Variants in FSTL5 observed in about 807,000 individuals in gnomAD.
FSTL5 encodes the protein follistatin-related protein 5.
In FSTL5, 62 loss-of-function variants were observed where a neutral mutation model predicts 89.1. The ratio of observed to expected loss-of-function variants is 0.70; its 90% CI spans 0.57 to 0.86. The LOEUF (loss-of-function observed/expected upper bound fraction) is 0.86. Among genes scored for constraint, FSTL5 ranks in the 40% least tolerant of loss-of-function variants. The pLI, the probability that FSTL5 is intolerant of heterozygous loss-of-function variation, is 0.00. For missense variants in FSTL5, 1,057 were observed against 1,001.6 expected, an observed-to-expected ratio of 1.06 and a Z score of -0.75; for synonymous variants, 383 against 346.2, an observed-to-expected ratio of 1.11 and a Z score of -1.18.
At chr4:161,653,442 C>G (rs539488586) in intron 7 of FSTL5, among the ~76,000 whole-genome samples, 3 of 152,176 alleles carry the variant, frequency 2.0e-5, no homozygotes, top group African/African-American at 7.2e-5. Flanking sequence ...GCCTTATTTA[C>G]GTATCTGCTC....
intron 3 of FSTL5, among the ~76,000 whole-genome samples, chr4:161,951,270 T>A (rs972777331): frequency 1.3e-5 from 2 of 152,088 alleles, no homozygotes; most frequent in Admixed American, 6.6e-5. Flanking sequence ...ATGTCTTTAT[T>A]AGCGTGTAAG....
intron 6 of FSTL5, among the ~76,000 whole-genome samples, chr4:161,709,973 G>A (rs1433806665): frequency 6.6e-6 from 1 of 152,016 alleles, no homozygotes; most frequent in African/African-American, 2.4e-5. Flanking sequence ...TTTTTCTGGT[G>A]GTAGTTGTTT....
chr4:161,934,271 A>C (rs1371830520), intron 3 of FSTL5, among the ~76,000 whole-genome samples: 3 of 152,116 alleles, frequency 2.0e-5, no homozygotes, highest in Non-Finnish European at 4.4e-5. Context: ...TATGGAAGAT[A>C]TTTATTATAG....
chr4:162,039,181 G>C (rs748069480), intron 2 of FSTL5, among the ~76,000 whole-genome samples: 1 of 151,564 alleles, frequency 6.6e-6, no homozygotes, highest in African/African-American at 2.4e-5. Context: ...ACTATACATA[G>C]TACTTTTCAC....
At chr4:161,500,921 G>A (rs1367477918) in intron 11 of FSTL5, among the ~76,000 whole-genome samples, 1 of 152,030 alleles carries the variant, frequency 6.6e-6, no homozygotes, top group Admixed American at 6.6e-5. Context: ...ACATACTCAT[G>A]AACACCTGTT....
intron 2 of FSTL5, among the ~76,000 whole-genome samples, chr4:162,066,683 T>A (rs907143327): frequency 6.6e-6 from 1 of 150,820 alleles, no homozygotes; most frequent in Non-Finnish European, 1.5e-5. Flanking sequence ...ACATGTGGTA[T>A]TTGGTTTTCT....
At chr4:161,852,816 A>T (rs1014237365) in intron 4 of FSTL5, among the ~76,000 whole-genome samples, 1 of 152,112 alleles carries the variant, frequency 6.6e-6, no homozygotes, top group Non-Finnish European at 1.5e-5. Context: ...TTGCAGGGAC[A>T]TGGATGGAGC....
At chr4:161,879,605 CAT>C (rs1442252768) in intron 4 of FSTL5, among the ~76,000 whole-genome samples, 2 of 152,220 alleles carry the variant, frequency 1.3e-5, no homozygotes, top group African/African-American at 2.4e-5. Context: ...CACACAGACA[CAT>C]AGTTATTCTC....
intron 6 of FSTL5, among the ~76,000 whole-genome samples, chr4:161,690,619 T>A (rs1737903867): frequency 6.6e-6 from 1 of 152,154 alleles, no homozygotes; most frequent in Non-Finnish European, 1.5e-5. Context: ...CAGGTTGTCT[T>A]AATAACATTG....
chr4:161,645,822 A>G (rs1395512363), intron 7 of FSTL5, among the ~76,000 whole-genome samples: 2 of 152,094 alleles, frequency 1.3e-5, no homozygotes, highest in African/African-American at 2.4e-5. Flanking sequence ...AAGAGCCACA[A>G]TGTCCTCAGG....
Position 161,873,359 on chromosome 4 carries a change from G to C in FSTL5, c.409+47045C>G, listed in dbSNP as rs188568296. On this transcript the variant is annotated intron_variant, in intron 4 of 15. Coordinates refer to ENST00000306100, the MANE Select transcript of FSTL5 (RefSeq NM_020116.5). ...ACTCCAAAGAACCTACTATCAGTAC[G>C]CCCTTTAGGGTTAACAGTCAAAAAG... Among the ~76,000 whole-genome samples the C allele has an allele frequency of 2.6e-5, 4 of 152,104 alleles. No homozygotes were observed. The East Asian group carries it at 7.7e-4, about 29-fold the overall frequency.
intron 3 of FSTL5, among the ~76,000 whole-genome samples, chr4:161,991,261 A>T (rs191158395): frequency 2.0e-4 from 30 of 152,314 alleles, no homozygotes; most frequent in African/African-American, 6.3e-4. Context: ...GATGCACATA[A>T]TTTTATATCT....
chr4:162,023,062 G>A (rs930098464), intron 3 of FSTL5, among the ~76,000 whole-genome samples: 27 of 152,094 alleles, frequency 1.8e-4, no homozygotes, highest in Admixed American at 6.6e-5. Flanking sequence ...AACTACACGT[G>A]TATCCCCATA....
chr4:161,908,099 T>C (rs1733587796), intron 4 of FSTL5, among the ~76,000 whole-genome samples: 1 of 152,020 alleles, frequency 6.6e-6, no homozygotes, highest in Non-Finnish European at 1.5e-5. Context: ...CAGGGACCAA[T>C]GCTAATCTAA....
At position 161,961,838 on chromosome 4, in the gene FSTL5, A is replaced by G. The variant is rs566263660; in HGVS notation, c.161-41186T>C. Among the ~76,000 whole-genome samples the G allele has an allele frequency of 2.0e-3, 307 of 151,814 alleles. 1 individual carries two copies. Among genetic ancestry groups the G allele is most frequent in the South Asian group, 0.016 (79 of 4,804 alleles). On this transcript the variant is annotated intron_variant, in intron 3 of 15. Coordinates refer to ENST00000306100, the MANE Select transcript of FSTL5 (RefSeq NM_020116.5). ...ACTTGAGTTGATTTGAATTGTATCAATGTCCTTATATGTATTACATGACCA... is the reference window on the plus strand; with the variant it reads ...ACTTGAGTTGATTTGAATTGTATCAGTGTCCTTATATGTATTACATGACCA...
chr4:161,523,215 T>G (rs537106095), intron 10 of FSTL5, among the ~76,000 whole-genome samples: 2 of 152,258 alleles, frequency 1.3e-5, no homozygotes, highest in East Asian at 3.9e-4. Flanking sequence ...GTTCTATAAG[T>G]AAATTGACAA....
intron 7 of FSTL5, among the ~76,000 whole-genome samples, chr4:161,626,264 A>T (rs754232103): frequency 6.6e-6 from 1 of 152,196 alleles, no homozygotes; most frequent in African/African-American, 2.4e-5. Flanking sequence ...TTTAAAAAAC[A>T]GGCCGATTCT....
chr4:161,821,759 T>C (rs1289021407), intron 4 of FSTL5, among the ~76,000 whole-genome samples: 1 of 152,210 alleles, frequency 6.6e-6, no homozygotes, highest in Non-Finnish European at 1.5e-5. Flanking sequence ...ATTTTTTTCA[T>C]GGCTGCATGG....
chr4:161,638,566 G>A (rs1447943467), intron 7 of FSTL5, among the ~76,000 whole-genome samples: 2 of 150,978 alleles, frequency 1.3e-5, no homozygotes, highest in African/African-American at 4.9e-5. Flanking sequence ...TTCTACCAGA[G>A]GTACAAGGAG....
Sources: gnomAD v4.1 joint callset for allele counts (sites outside exome capture counted in the v4.1 genomes callset) on GRCh38, gnomAD v4.1.1 for gene constraint, MANE v1.5 for transcripts, NCBI Gene and HGNC (gene_info 2026-07-23, HGNC 2026-07-21) for gene names.